The following LSM6 variants were observed in gnomAD, a reference collection of about 807,000 sequenced individuals.
LSM6 encodes U6 snRNA-associated Sm-like protein LSm6.
LSM6 carries 2 observed loss-of-function variants against 13.5 expected under a neutral mutation model. The observed-to-expected ratio is 0.15, with a 90% CI of 0.06 to 0.47. The LOEUF is 0.47. Ranked by LOEUF, LSM6 falls within the 20% of genes least tolerant of loss-of-function variation. The probability of loss-of-function intolerance (pLI) is 0.97; values close to 1 mark genes in which losing one functional copy is unlikely to be tolerated. For missense variants in LSM6, 58 were observed against 96.4 expected, an observed-to-expected ratio of 0.60 and a Z score of 1.67; for synonymous variants, 43 against 34.9, an observed-to-expected ratio of 1.23 and a Z score of -0.82.
At chr4:146,179,430 CATT>C (rs1416438441) in intron 1 of LSM6, among the ~76,000 whole-genome samples, 40 of 152,178 alleles carry the variant, frequency 2.6e-4, no homozygotes, top group Non-Finnish European at 5.6e-4. Flanking sequence ...ATGGGCAAGT[CATT>C]AAGTAACAGG....
intron 3 of LSM6, among the ~76,000 whole-genome samples, chr4:146,189,296 A>C (rs1730417310): frequency 6.6e-6 from 1 of 152,206 alleles, no homozygotes. Flanking sequence ...TTCAGCCCTG[A>C]AAAGCATAAT....
intron 3 of LSM6, 170 bp downstream of exon 3, chr4:146,187,557 A>G: frequency 3.8e-6 from 2 of 527,832 alleles, no homozygotes; most frequent in East Asian, 3.2e-5. Context: ...TAGATGCTTC[A>G]TGGAATTTTG....
chr4:146,191,374 C>T lies in LSM6; in HGVS notation c.*1718C>T, dbSNP rs1445729449. 1 of 152,192 alleles carries T rather than the reference C, an allele frequency of 6.6e-6. No homozygotes were observed. The allele number at this position is 152,192 out of a possible 1,614,324, so 9.4% of individuals were successfully genotyped here. A position where few individuals can be genotyped will look rare whatever the true frequency, so the allele number is the denominator to read the frequency against. On this transcript the variant is annotated 3_prime_UTR_variant, in exon 4 of 4. Coordinates refer to ENST00000296581, the MANE Select transcript of LSM6 (RefSeq NM_007080.3). ...TTTTTTCTAACTTCTTCCCTGACCT[C>T]GCCTTTGATATATAAGTCTTTATTT...
At chr4:146,186,328 GC>G (rs1730348430) in intron 2 of LSM6, among the ~76,000 whole-genome samples, 1 of 152,238 alleles carries the variant, frequency 6.6e-6, no homozygotes, top group South Asian at 2.1e-4. Flanking sequence ...GATAATGGGG[GC>G]AGAGGCAGAG....
intron 1 of LSM6, among the ~76,000 whole-genome samples, chr4:146,182,196 C>T (rs1244347542): frequency 6.6e-6 from 1 of 152,130 alleles, no homozygotes; most frequent in Non-Finnish European, 1.5e-5. Flanking sequence ...AAAACAATAC[C>T]TCCCTTTTAG....
chr4:146,178,419 G>A (rs1578675774), intron 1 of LSM6, among the ~76,000 whole-genome samples: 1 of 152,206 alleles, frequency 6.6e-6, no homozygotes, highest in East Asian at 1.9e-4. Flanking sequence ...GGAGGGATTG[G>A]TATGAAGCCT....
intron 1 of LSM6, among the ~76,000 whole-genome samples, chr4:146,177,135 G>C (rs542438930): frequency 3.2e-4 from 48 of 152,178 alleles, no homozygotes; most frequent in African/African-American, 1.1e-3. Context: ...TTATATTGCA[G>C]ATGAGGAACC....
At chr4:146,189,200 C>A (rs187661591) in intron 3 of LSM6, among the ~76,000 whole-genome samples, 9 of 152,120 alleles carry the variant, frequency 5.9e-5, no homozygotes, top group Non-Finnish European at 1.2e-4. Context: ...ACCATGTTGC[C>A]CAGGCTGGTC....
intron 2 of LSM6, chr4:146,183,672 A>G (rs1186382269): frequency 6.6e-6 from 1 of 152,212 alleles, no homozygotes; most frequent in African/African-American, 2.4e-5. Flanking sequence ...TAGCAGAGGG[A>G]CGTGGTCTCT....
At chr4:146,176,335 A>G (rs925384829) in intron 1 of LSM6, 1 of 152,244 alleles carries the variant, frequency 6.6e-6, no homozygotes, top group Non-Finnish European at 1.5e-5. Flanking sequence ...TGTCTTACCA[A>G]GTTGTCAGGT....
intron 2 of LSM6, chr4:146,183,318 G>T: frequency 3.5e-6 from 1 of 284,254 alleles, no homozygotes; most frequent in East Asian, 8.2e-5. Flanking sequence ...ACTCAGGTAT[G>T]AACAACACAA....
chr4:146,185,970 C>T (rs1730340837), intron 2 of LSM6, among the ~76,000 whole-genome samples: 1 of 152,172 alleles, frequency 6.6e-6, no homozygotes, highest in South Asian at 2.1e-4. Flanking sequence ...CTCCTGACCT[C>T]AAGTGATCTG....
At chr4:146,178,592 C>T (rs1022219403) in intron 1 of LSM6, among the ~76,000 whole-genome samples, 1 of 152,160 alleles carries the variant, frequency 6.6e-6, no homozygotes, top group Non-Finnish European at 1.5e-5. Flanking sequence ...ATTCTTTTCA[C>T]CCTAAACTGT....
chr4:146,183,896 G>A (rs1260827582), intron 2 of LSM6, among the ~76,000 whole-genome samples: 4 of 142,454 alleles, frequency 2.8e-5, no homozygotes, highest in Middle Eastern at 3.8e-3. Flanking sequence ...TTTTTGAGAC[G>A]GAGTCTCGCT....
At chr4:146,188,580 A>C (rs1212649478) in intron 3 of LSM6, among the ~76,000 whole-genome samples, 1 of 152,096 alleles carries the variant, frequency 6.6e-6, no homozygotes, top group Non-Finnish European at 1.5e-5. Context: ...AAGACACCTT[A>C]CTGTTCGCTT....
At chr4:146,177,670 T>C (rs1042965202) in intron 1 of LSM6, among the ~76,000 whole-genome samples, 15 of 152,230 alleles carry the variant, frequency 9.9e-5, no homozygotes, top group African/African-American at 3.6e-4. Flanking sequence ...TTAGGGCTTA[T>C]AGCAGAGATT....
At chr4:146,180,029 T>G (rs1730198504) in intron 1 of LSM6, among the ~76,000 whole-genome samples, 1 of 152,226 alleles carries the variant, frequency 6.6e-6, no homozygotes, top group Non-Finnish European at 1.5e-5. Flanking sequence ...CCTCCTTGCC[T>G]ATGTAGATTT....
At chr4:146,185,147 T>A (rs1730317706) in intron 2 of LSM6, among the ~76,000 whole-genome samples, 1 of 152,142 alleles carries the variant, frequency 6.6e-6, no homozygotes, top group African/African-American at 2.4e-5. Context: ...TGACCAAACA[T>A]CTCTTTAGAA....
chr4:146,187,537 A>G, intron 3 of LSM6, 150 bp downstream of exon 3: 1 of 565,932 alleles, frequency 1.8e-6, no homozygotes, highest in Non-Finnish European at 3.2e-6. Context: ...CAGTTTGACC[A>G]GTTATTTTGT....
Sources: allele counts gnomAD v4.1 joint callset (sites outside exome capture counted in the v4.1 genomes callset), GRCh38; gene constraint gnomAD v4.1.1; transcripts MANE v1.5; gene names NCBI Gene and HGNC (gene_info 2026-07-23, HGNC 2026-07-21).